Variants in CDR2 observed in about 807,000 individuals in gnomAD.
CDR2 encodes the protein cerebellar degeneration related protein 2.
In CDR2, 34 loss-of-function variants were observed where a neutral mutation model predicts 48.4. The observed-to-expected ratio is 0.70, with a 90% CI of 0.53 to 0.94. The LOEUF is 0.94. Ranked by LOEUF, CDR2 falls within the 40% of genes least tolerant of loss-of-function variation. The pLI, the probability that CDR2 is intolerant of heterozygous loss-of-function variation, is 0.00. For synonymous variants in CDR2, 240 were observed against 219.7 expected (o/e 1.09, Z -0.82); for missense variants, 498 against 549.5 (o/e 0.91, Z 0.94).
chr16:22,347,170 T>G lies in CDR2; in HGVS notation c.1160A>C (p.Lys387Thr). The G allele has an allele frequency of 6.2e-7, 1 of 1,614,236 alleles. No homozygotes were observed. Among genetic ancestry groups the G allele is most frequent in the Middle Eastern group, 1.6e-4 (1 of 6,062 alleles). Residue 387 changes from lysine (K) to threonine (T), a missense_variant, in exon 5 of 5, where the codon AAG becomes ACG. Lys to Thr is a moderately conservative substitution (Grantham distance 78, BLOSUM62 -1). Transcript: ENST00000268383. The stretch of plus-strand genomic sequence containing the variant: ...CTGGGCGTTCACTCCAGTCAGGTCC[T>G]TGGCTGCAGCCCTGGAGGTCTGCAC... ...KAVQTSRAAA[K>T]DLTGVNAQSE...
In CDR2 at chr16:22,347,763, G is replaced by A. The variant is rs972655941; in HGVS notation, c.567C>T (p.Ser189=). The A allele has an allele frequency of 8.1e-6, 13 of 1,613,822 alleles. No individual in the cohort carries two copies. The African/African-American group carries it at 1.5e-4, about 18-fold the overall frequency. The change falls in exon 5 of 5, where the codon AGC becomes AGT. Residue 189 remains serine, a synonymous_variant. Transcript: ENST00000268383. ...AGTGCTCATTTTCCTCTTCATCAGG[G>A]CTTGGCTGACCTTGCAAGGAAGTGA... ...EKITSLQGQP[S]PDEEENEHLK...
chr16:22,362,164 G>C (rs935965590), intron 2 of CDR2, among the ~76,000 whole-genome samples: 4 of 152,160 alleles, frequency 2.6e-5, no homozygotes, highest in Non-Finnish European at 2.9e-5. Context: ...GCCTACCAAA[G>C]TGCTAGGATT....
In CDR2 at chr16:22,374,596, G is replaced by T. The variant is rs1350679456; in HGVS notation, c.-287C>A. On this transcript the variant is annotated 5_prime_UTR_variant, in exon 1 of 5. Coordinates refer to ENST00000268383, the MANE Select transcript of CDR2 (RefSeq NM_001802.2). ...AGCCGCCAGTCTTCACGCCGCCGCC[G>T]GGCCCAACGTGGCACTTTGGCAGAA... 4 of 173,114 alleles carry T rather than the reference G, an allele frequency of 2.3e-5. No individual in the cohort carries two copies. Among genetic ancestry groups the T allele is most frequent in the Non-Finnish European group, 1.2e-5 (1 of 82,298 alleles). The allele number at this position is 173,114 out of a possible 1,614,324, so 10.7% of individuals were successfully genotyped here. A position where few individuals can be genotyped will look rare whatever the true frequency, so the allele number is the denominator to read the frequency against.
chr16:22,349,174 T>G, intron 4 of CDR2, 105 bp downstream of exon 4: 2 of 1,210,700 alleles, frequency 1.7e-6, no homozygotes, highest in Non-Finnish European at 2.4e-6. Context: ...GCTTAATAGC[T>G]AAGTGACTTT....
intron 1 of CDR2, among the ~76,000 whole-genome samples, chr16:22,369,297 A>AC (rs2049061882): frequency 6.8e-6 from 1 of 146,052 alleles, no homozygotes; most frequent in Non-Finnish European, 1.5e-5. Flanking sequence ...GAAAAAAAAA[A>AC]AAAAGAAAAA....
At chr16:22,366,776 G>A (rs986371597) in intron 1 of CDR2, among the ~76,000 whole-genome samples, 10 of 152,084 alleles carry the variant, frequency 6.6e-5, no homozygotes, top group Non-Finnish European at 1.3e-4. Context: ...GGATCACTCC[G>A]GCTGCTGTTA....
At chr16:22,349,663 C>T in intron 3 of CDR2, 38 bp downstream of exon 3, 4 of 1,605,794 alleles carry the variant, frequency 2.5e-6, no homozygotes, top group Non-Finnish European at 3.4e-6. Flanking sequence ...TAAAGAACTT[C>T]CCCCTAGTCC....
At chr16:22,367,164 C>G (rs2049049245) in intron 1 of CDR2, 1 of 152,412 alleles carries the variant, frequency 6.6e-6, no homozygotes, top group African/African-American at 2.4e-5. Flanking sequence ...GCTGGGACTA[C>G]AGGCATGCAC....
chr16:22,372,997 G>C (rs569372219), intron 1 of CDR2, among the ~76,000 whole-genome samples: 14 of 152,188 alleles, frequency 9.2e-5, no homozygotes, highest in Non-Finnish European at 1.8e-4. Context: ...AGAAACTGAA[G>C]ATGCCTGGAA....
intron 2 of CDR2, among the ~76,000 whole-genome samples, chr16:22,362,147 C>T (rs566397913): frequency 5.3e-5 from 8 of 152,272 alleles, no homozygotes; most frequent in Admixed American, 2.6e-4. Context: ...GTGATCCACC[C>T]GCCTTGGCCT....
chr16:22,349,483 T>C (rs2048928187), intron 3 of CDR2, 40 bp from the exon 4 acceptor site: 1 of 1,610,892 alleles, frequency 6.2e-7, no homozygotes, highest in South Asian at 1.1e-5. Flanking sequence ...CTTGTCATAT[T>C]GAATCAAGGG....
At position 22,374,216 on chromosome 16, in the gene CDR2, C is replaced by T. The variant is rs1165000358; in HGVS notation, c.79+15G>A. 6.4e-7 allele frequency: 1 copy of T among 1,561,330 alleles called. No homozygotes were observed. Among genetic ancestry groups the T allele is most frequent in the East Asian group, 2.4e-5 (1 of 41,104 alleles). On this transcript the variant is annotated intron_variant, in intron 1 of 4. Transcript: ENST00000268383. Reference sequence around the variant, plus strand: ...GCCAGGCCGCCGCCCGCCCGCGGGGCGCCCCCGCCCTCACCTTGCTGGAGG... The same window carrying T: ...GCCAGGCCGCCGCCCGCCCGCGGGGTGCCCCCGCCCTCACCTTGCTGGAGG...
chr16:22,371,848 ATGTGTGTGTGTG>A (rs56274013), intron 1 of CDR2, among the ~76,000 whole-genome samples: 209 of 148,552 alleles, frequency 1.4e-3, no homozygotes, highest in South Asian at 2.8e-3. Context: ...AGGTTCAGAT[ATGTGTGTGTGTG>A]TGTGTGTGTG....
chr16:22,361,687 A>T (rs1448894659), intron 2 of CDR2, among the ~76,000 whole-genome samples: 1 of 152,184 alleles, frequency 6.6e-6, no homozygotes, highest in East Asian at 1.9e-4. Context: ...AAGAAAAAAG[A>T]AAGTCAACTG....
rs1238478779 is a variant in CDR2, at chr16:22,350,945, G to C, written c.193-1096C>G. On this transcript the variant is annotated intron_variant, in intron 2 of 4. Transcript: ENST00000268383. Reference sequence around the variant, plus strand: ...CACAATGTGCAGGTTTGATACATAGGTATACATGTGACATGTTGGTTTGCT... The same window carrying C: ...CACAATGTGCAGGTTTGATACATAGCTATACATGTGACATGTTGGTTTGCT... Among the ~76,000 whole-genome samples the C allele has an allele frequency of 3.3e-5, 5 of 152,256 alleles. No individual in the cohort carries two copies. The East Asian group carries it at 9.6e-4, about 29-fold the overall frequency.
chr16:22,358,272 A>C (rs2048989319), intron 2 of CDR2, among the ~76,000 whole-genome samples: 1 of 152,184 alleles, frequency 6.6e-6, no homozygotes, highest in Non-Finnish European at 1.5e-5. Flanking sequence ...TGCCATAGTA[A>C]ACAGGAAAGG....
chr16:22,358,141 A>AT (rs912084063), intron 2 of CDR2, among the ~76,000 whole-genome samples: 1 of 151,830 alleles, frequency 6.6e-6, no homozygotes, highest in African/African-American at 2.4e-5. Flanking sequence ...TCAGTGCTTC[A>AT]TTTTTTTTCT....
rs371768993 is a variant in CDR2, at chr16:22,374,264, C to T, written c.46G>A (p.Glu16Lys). The T allele has an allele frequency of 4.4e-5, 71 of 1,603,622 alleles. No individual in the cohort carries two copies. The highest frequency in any genetic ancestry group is 5.3e-5 in the Non-Finnish European group (62 of 1,175,716). The change falls in exon 1 of 5, where the codon GAG becomes AAG. Residue 16 changes from glutamate to lysine, a missense_variant. By Grantham distance (56) the Glu-to-Lys change is moderately conservative (BLOSUM62 1). Coordinates refer to ENST00000268383, the MANE Select transcript of CDR2 (RefSeq NM_001802.2). Reference protein sequence around the residue: ...LVEEFEMKEDEPWYDHQDLQQ... With the variant: ...LVEEFEMKEDKPWYDHQDLQQ... ...AGGTCCTGGTGGTCGTACCACGGCT[C>T]GTCCTCCTTCATCTCAAACTCCTCT...
intron 2 of CDR2, among the ~76,000 whole-genome samples, chr16:22,357,045 A>G (rs1344175408): frequency 6.6e-6 from 1 of 151,592 alleles, no homozygotes; most frequent in Non-Finnish European, 1.5e-5. Context: ...TCAAAACAAT[A>G]CAATAATATT....
Sources: allele counts gnomAD v4.1 joint callset (sites outside exome capture counted in the v4.1 genomes callset), GRCh38; gene constraint gnomAD v4.1.1; transcripts MANE v1.5; gene names NCBI Gene and HGNC (gene_info 2026-07-23, HGNC 2026-07-21).